The following ARHGEF6 variants were observed in gnomAD, a reference collection of about 807,000 sequenced individuals.
The protein encoded by ARHGEF6 is rho guanine nucleotide exchange factor 6.
Under a neutral mutation model 70.3 loss-of-function variants are expected in ARHGEF6, and 9 were observed. The observed-to-expected ratio is 0.13, with a 90% CI of 0.08 to 0.22. ARHGEF6 has a LOEUF of 0.22. Ranked by LOEUF, ARHGEF6 falls within the 10% of genes least tolerant of loss-of-function variation. The probability of loss-of-function intolerance (pLI) is 1.00; values close to 1 mark genes in which losing one functional copy is unlikely to be tolerated. For synonymous variants in ARHGEF6, 201 were observed against 207.8 expected (o/e 0.97, Z 0.28); for missense variants, 470 against 563.0 (o/e 0.83, Z 1.67).
At chrX:136,670,221 C>A (rs2148563360) in intron 20 of ARHGEF6, among the ~76,000 whole-genome samples, 1 of 111,980 alleles carries the variant, frequency 8.9e-6, no homozygotes, top group East Asian at 2.8e-4. Flanking sequence ...AATGTAAATG[C>A]TATGCAAATA....
Position 136,780,795 on chromosome X carries a change from A to T in ARHGEF6, c.88T>A (p.Phe30Ile), listed in dbSNP as rs779103345. The part of the protein sequence containing the change: ...PKKTICDPEE[F>I]LKSSLKNGVV... ...CCATTTTTCAGCGAGGACTTTAAAA[A>T]CTCCTCCGGATCACAGATGGTCTTT... Residue 30 changes from phenylalanine (F) to isoleucine (I), a missense_variant, in exon 1 of 22, where the codon TTT becomes ATT. By Grantham distance (21) the Phe-to-Ile change is conservative (BLOSUM62 0). Around this residue, in one of 3 missense-constraint regions of ARHGEF6, gnomAD observed 379 missense variants for 449.3 expected, o/e 0.84. Coordinates refer to ENST00000250617, the MANE Select transcript of ARHGEF6 (RefSeq NM_004840.3). 2.5e-5 allele frequency: 30 copies of T among 1,210,308 alleles called. No homozygotes were observed. The highest frequency in any genetic ancestry group is 3.2e-5 in the Non-Finnish European group (29 of 894,985).
At chrX:136,688,496 G>C (rs2076426892) in intron 10 of ARHGEF6, among the ~76,000 whole-genome samples, 1 of 110,372 alleles carries the variant, frequency 9.1e-6, no homozygotes, top group Non-Finnish European at 1.9e-5. Flanking sequence ...CGTGGTTAGA[G>C]AAAAATCAAT....
rs185209610 is a variant in ARHGEF6 at position 136,668,214 on chromosome X, C to G, written c.2191-45G>C. 1,374 of 1,193,080 alleles carry G rather than the reference C, an allele frequency of 1.2e-3. 1 individual carries two copies. Among genetic ancestry groups the G allele is most frequent in the Non-Finnish European group, 1.5e-3 (1,303 of 882,681 alleles). ...GTTGATTATCAAACAGAGGGGGGCC[C>G]TTCCAAGGGCTCCTCCTGCTCATCC... On this transcript the variant is annotated intron_variant, in intron 21 of 21. Transcript: ENST00000250617.
intron 2 of ARHGEF6, among the ~76,000 whole-genome samples, chrX:136,749,165 T>C (rs1378650395): frequency 1.8e-5 from 2 of 111,981 alleles, no homozygotes; most frequent in Non-Finnish European, 3.8e-5. Context: ...AATTCAAACT[T>C]TTCCAGAAAT....
chrX:136,742,821 A>G (rs1360790069), intron 5 of ARHGEF6, among the ~76,000 whole-genome samples: 1 of 110,623 alleles, frequency 9.0e-6, no homozygotes, highest in African/African-American at 3.3e-5. Flanking sequence ...AAAAAGTTTA[A>G]ACATTAGCTG....
chrX:136,719,511 C>A (rs1363246383), intron 6 of ARHGEF6, among the ~76,000 whole-genome samples: 1 of 111,500 alleles, frequency 9.0e-6, no homozygotes, highest in African/African-American at 3.3e-5. Context: ...GAAAGCAGTG[C>A]TTGTAGGGAA....
Position 136,674,015 on chromosome X carries a change from C to T in ARHGEF6, c.2035+992G>A, listed in dbSNP as rs769997539. Among the ~76,000 whole-genome samples the T allele has an allele frequency of 4.5e-5, 5 of 111,280 alleles. No homozygotes were observed. The South Asian group carries it at 1.5e-3, about 34-fold the overall frequency. On this transcript the variant is annotated intron_variant, in intron 19 of 21. Transcript: ENST00000250617. ...CCAAGTAGCTGGGACTACAGGTGTG[C>T]GCCATCACACCCGGCTAACTTTTGT... is the stretch of plus-strand genomic sequence containing the variant.
At position 136,757,169 on chromosome X, in the gene ARHGEF6, C is replaced by T. The variant is rs146462221; in HGVS notation, c.250-9577G>A. On this transcript the variant is annotated intron_variant, in intron 2 of 21. Transcript: ENST00000250617. ...ATCACTTGAGGTCAGGAGTTTAAGGCCAGCCTGGCCAACATGGCCGTCTCT... is the reference window on the plus strand; with the variant it reads ...ATCACTTGAGGTCAGGAGTTTAAGGTCAGCCTGGCCAACATGGCCGTCTCT... Among the ~76,000 whole-genome samples the T allele has an allele frequency of 5.3e-3, 595 of 112,668 alleles. 2 individuals are homozygous for T. Among genetic ancestry groups the T allele is most frequent in the African/African-American group, 0.018 (567 of 31,046 alleles).
chrX:136,747,684 GA>G (rs140379962), intron 2 of ARHGEF6, 92 bp from the exon 3 acceptor site: 4,468 of 119,403 alleles, frequency 0.037, 34 homozygotes, highest in East Asian at 0.046. Flanking sequence ...CAGCTCTCCG[GA>G]AAAAAAAAAA....
chrX:136,726,588 C>T (rs1455014518), intron 6 of ARHGEF6, among the ~76,000 whole-genome samples: 1 of 111,946 alleles, frequency 8.9e-6, no homozygotes, highest in Non-Finnish European at 1.9e-5. Flanking sequence ...GAAGCTACAG[C>T]AAAGGTTACC....
rs932116662 is a variant in ARHGEF6 at position 136,744,999 on chromosome X, C to A, written c.459+224G>T. 3.6e-5 allele frequency among the ~76,000 whole-genome samples: 4 copies of A among 111,725 alleles called. No individual in the cohort carries two copies. In the South Asian group the frequency reaches 1.5e-3, roughly 42 times the overall value. The stretch of plus-strand genomic sequence containing the variant: ...TCAGTTAAGTGACTTGCCTAATTCT[C>A]GTAAGGGACAGAGCTGGAGCTTCAA... On this transcript the variant is annotated intron_variant, in intron 4 of 21. Coordinates refer to ENST00000250617, the MANE Select transcript of ARHGEF6 (RefSeq NM_004840.3).
chrX:136,756,308 G>C (rs2077206732), intron 2 of ARHGEF6, among the ~76,000 whole-genome samples: 1 of 111,538 alleles, frequency 9.0e-6, no homozygotes, highest in Non-Finnish European at 1.9e-5. Flanking sequence ...AATTTTTTAA[G>C]TTGTGTGCTG....
Position 136,733,129 on chromosome X carries a change from T to A in ARHGEF6, c.662-957A>T, listed in dbSNP as rs765282484. ...ATCCTAGGACATTCTTTCTTTTTTT[T>A]TAAAAAAAAAACAATAAAAATATGA... On this transcript the variant is annotated intron_variant, in intron 5 of 21. Coordinates refer to ENST00000250617, the MANE Select transcript of ARHGEF6 (RefSeq NM_004840.3). Among the ~76,000 whole-genome samples, 17 of 110,286 alleles carry A rather than the reference T, an allele frequency of 1.5e-4. No homozygotes were observed. The East Asian group carries it at 2.8e-3, about 18-fold the overall frequency.
chrX:136,671,887 C>G, intron 20 of ARHGEF6, 133 bp downstream of exon 20: 1 of 566,148 alleles, frequency 1.8e-6, no homozygotes, highest in South Asian at 2.4e-5. Context: ...AATGCATGCA[C>G]AGCAAAGCAG....
At position 136,727,397 on chromosome X, in the gene ARHGEF6, C is replaced by CTTTCTTTCTT. The variant is rs1285307734; in HGVS notation, c.732+4704_732+4705insAAGAAAGAAA. Among the ~76,000 whole-genome samples the CTTTCTTTCTT allele has an allele frequency of 4.7e-4, 36 of 76,252 alleles. No individual in the cohort carries two copies. The East Asian group carries it at 4.9e-3, about 10-fold the overall frequency. The allele number at this position is 76,252 out of a possible 115,157, so 66.2% of individuals were successfully genotyped here. On this transcript the variant is annotated intron_variant, in intron 6 of 21. Coordinates refer to ENST00000250617, the MANE Select transcript of ARHGEF6 (RefSeq NM_004840.3). ...TCTTTCTTTCTTTCTTTCTTTCTTTCTCTCTCTCTCTCTCTCTTTCTTTCT... is the reference window on the plus strand; with the variant it reads ...TCTTTCTTTCTTTCTTTCTTTCTTTCTTTCTTTCTTTCTCTCTCTCTCTCTCTTTCTTTCT...
At chrX:136,705,145 C>A (rs1297291428) in intron 9 of ARHGEF6, among the ~76,000 whole-genome samples, 1 of 110,425 alleles carries the variant, frequency 9.1e-6, no homozygotes, top group African/African-American at 3.3e-5. Context: ...CATGGTGAAA[C>A]CCCATCTCTA....
At position 136,708,841 on chromosome X, in the gene ARHGEF6, T is replaced by C; in HGVS notation, c.828-71A>G. Reference sequence around the variant, plus strand: ...TGGCTAATAGTTTGCTAATATATGGTAAATAAAAGGGAGGTAATACCTATA... The same window carrying C: ...TGGCTAATAGTTTGCTAATATATGGCAAATAAAAGGGAGGTAATACCTATA... On this transcript the variant is annotated intron_variant, in intron 7 of 21. Transcript: ENST00000250617. The C allele has an allele frequency of 3.8e-6, 3 of 784,688 alleles. No individual in the cohort carries two copies. In the South Asian group the frequency reaches 6.5e-5, roughly 17 times the overall value. 64.7% of individuals were successfully genotyped at this position (784,688 alleles called of 1,213,427 possible).
intron 20 of ARHGEF6, among the ~76,000 whole-genome samples, chrX:136,671,460 C>T (rs2076224768): frequency 8.9e-6 from 1 of 112,319 alleles, no homozygotes; most frequent in Non-Finnish European, 1.9e-5. Flanking sequence ...GGTACTTAAC[C>T]TGATTTTCCC....
At position 136,743,700 on chromosome X, in the gene ARHGEF6, A is replaced by G. The variant is rs779488313; in HGVS notation, c.546T>C (p.Cys182=). 13 of 1,211,590 alleles carry G rather than the reference A, an allele frequency of 1.1e-5. No homozygotes were observed. The highest frequency in any genetic ancestry group is 1.3e-5 in the Non-Finnish European group (12 of 895,291). The part of the protein sequence containing the change: ...KQTNEDELSV[C]KGDIIYVTRV... ...GTGTGACGTAAATGATGTCCCCCTT[A>G]CAAACTGACAGTTCATCCTCATTAG... is the stretch of plus-strand genomic sequence containing the variant. The change falls in exon 5 of 22, where the codon TGT becomes TGC. Residue 182 remains cysteine, a synonymous_variant. Coordinates refer to ENST00000250617, the MANE Select transcript of ARHGEF6 (RefSeq NM_004840.3).
Sources: gnomAD v4.1 joint callset for allele counts (sites outside exome capture counted in the v4.1 genomes callset) on GRCh38, gnomAD v4.1.1 for gene constraint, gnomAD v4.1.1 regional missense constraint, MANE v1.5 for transcripts, NCBI Gene and HGNC (gene_info 2026-07-23, HGNC 2026-07-21) for gene names.